IMP4: variants seen among roughly 807,000 people sequenced by gnomAD.
The protein encoded by IMP4 is U3 small nucleolar ribonucleoprotein IMP4.
A neutral mutation model predicts 42.7 loss-of-function variants in IMP4; 30 were observed. The observed-to-expected ratio is 0.70, with a 90% CI of 0.53 to 0.95. The LOEUF (loss-of-function observed/expected upper bound fraction) is 0.95. Ranked by LOEUF, IMP4 falls within the 40% of genes least tolerant of loss-of-function variation. IMP4 has a pLI of 0.00. For synonymous variants in IMP4, 165 were observed against 165.2 expected (o/e 1.00, Z 0.01); for missense variants, 382 against 411.4 (o/e 0.93, Z 0.62).
chr2:130,344,192 G>C (rs759969212), intron 2 of IMP4, among the ~76,000 whole-genome samples: 9 of 152,122 alleles, frequency 5.9e-5, no homozygotes, highest in Non-Finnish European at 5.9e-5. Flanking sequence ...GCCGGGCGCC[G>C]TGGCGGGCTC....
Position 130,346,226 on chromosome 2 carries a change from C to T in IMP4, c.715C>T (p.His239Tyr). ...GCACCATGTGTATAAGAAGACAGAC[C>T]ACCGCAACGTGGAGCTCACTGAGGT... ...FRHHVYKKTD[H>Y]RNVELTEVGP... The change falls in exon 8 of 9, where the codon CAC becomes TAC. Residue 239 changes from histidine to tyrosine, a missense_variant. Coordinates refer to ENST00000259239, the MANE Select transcript of IMP4 (RefSeq NM_033416.3). 6.2e-7 allele frequency: 1 copy of T among 1,614,154 alleles called. No homozygotes were observed. Among genetic ancestry groups the T allele is most frequent in the Non-Finnish European group, 8.5e-7 (1 of 1,180,028 alleles).
intron 2 of IMP4, among the ~76,000 whole-genome samples, chr2:130,344,298 T>C (rs1679335381): frequency 6.6e-6 from 1 of 151,794 alleles, no homozygotes; most frequent in South Asian, 2.1e-4. Context: ...ACTGCACTGC[T>C]CTGCCTGGGT....
chr2:130,343,032 G>C, intron 1 of IMP4, 54 bp from the exon 2 acceptor site: 2 of 1,605,566 alleles, frequency 1.2e-6, no homozygotes, highest in South Asian at 1.1e-5. Flanking sequence ...CGGGGCTCCG[G>C]GGTTCCGGGG....
rs539439713 is a variant in IMP4 at position 130,342,911 on chromosome 2, C to T, written c.-22C>T. ...GAGGAGCCCACAGATTCTCCCGGAC[C>T]CACGTGGAAGCGGCACTCAAGATGG... is the stretch of plus-strand genomic sequence containing the variant. On this transcript the variant is annotated 5_prime_UTR_variant, in exon 1 of 9. Transcript: ENST00000259239. 1.9e-6 allele frequency: 3 copies of T among 1,614,020 alleles called. No individual in the cohort carries two copies. Among genetic ancestry groups the T allele is most frequent in the African/African-American group, 2.7e-5 (2 of 75,056 alleles).
rs939854485 is a variant in IMP4, at chr2:130,344,824, A to G, written c.196+112A>G. 1.6e-5 allele frequency: 12 copies of G among 762,580 alleles called. 1 individual carries two copies. The highest frequency in any genetic ancestry group is 1.3e-4 in the South Asian group (9 of 67,666). The allele number at this position is 762,580 out of a possible 1,614,324, so 47.2% of individuals were successfully genotyped here. ...GAAACTGCTCCTGGAACTGTCCCCC[A>G]TGCCCTTGTCACTGCACAGATGGCA... is the stretch of plus-strand genomic sequence containing the variant. On this transcript the variant is annotated intron_variant, in intron 3 of 8. Transcript: ENST00000259239.
At position 130,345,682 on chromosome 2, in the gene IMP4, A is replaced by C; in HGVS notation, c.422A>C (p.Glu141Ala). The change falls in exon 5 of 9, where the codon GAG (glutamate) becomes GCG (alanine). Residue 141 changes from glutamate to alanine, a missense_variant. Coordinates refer to ENST00000259239, the MANE Select transcript of IMP4 (RefSeq NM_033416.3). This position sits in a 1 kb window ranked among gnomAD's most constrained non-coding sequence, Gnocchi z 4.9. ...NGVTDLLVVH[E>A]HRGTPVGLIV... The stretch of plus-strand genomic sequence containing the variant: ...GTCACCGATCTGCTGGTCGTTCACG[A>C]GCATCGGGGCACACCTGGTAAGGCC... 1.9e-6 allele frequency: 3 copies of C among 1,613,750 alleles called. No homozygotes were observed. The highest frequency in any genetic ancestry group is 2.5e-6 in the Non-Finnish European group (3 of 1,180,000).
chr2:130,345,488 A>G lies in IMP4; in HGVS notation c.306+3A>G. On this transcript the variant is annotated splice_donor_region_variant and intron_variant, in intron 4 of 8. Coordinates refer to ENST00000259239, the MANE Select transcript of IMP4 (RefSeq NM_033416.3). This position sits in a 1 kb window ranked among gnomAD's most constrained non-coding sequence, Gnocchi z 4.9. ...CCCGCCTCAAGATGTTTGCAAAGGT[A>G]CTGGTGAGCAGGGAGTGAGGGAGAG... is the stretch of plus-strand genomic sequence containing the variant. The G allele has an allele frequency of 1.2e-6, 2 of 1,613,982 alleles. No homozygotes were observed. Among genetic ancestry groups the G allele is most frequent in the Non-Finnish European group, 1.7e-6 (2 of 1,179,952 alleles).
In IMP4 at chr2:130,346,616, T is replaced by C. The variant is rs547708704; in HGVS notation, c.*148T>C. The C allele has an allele frequency of 6.9e-5, 47 of 677,398 alleles. No homozygotes were observed. In the South Asian group the frequency reaches 8.0e-4, roughly 12 times the overall value. The allele number at this position is 677,398 out of a possible 1,614,324, so 42.0% of individuals were successfully genotyped here. A position where few individuals can be genotyped will look rare whatever the true frequency, so the allele number is the denominator to read the frequency against. On this transcript the variant is annotated 3_prime_UTR_variant, in exon 9 of 9. Transcript: ENST00000259239. The stretch of plus-strand genomic sequence containing the variant: ...TGGAGAGGTCTGAATAAACCGTCTG[T>C]GTCATGGCCCCGCCTGCCTCTGAGT...
chr2:130,346,587 C>T lies in IMP4; in HGVS notation c.*119C>T, dbSNP rs928067538. 13 of 779,806 alleles carry T rather than the reference C, an allele frequency of 1.7e-5. No individual in the cohort carries two copies. Among genetic ancestry groups the T allele is most frequent in the African/African-American group, 1.5e-4 (9 of 58,640 alleles). The allele number at this position is 779,806 out of a possible 1,614,324, so 48.3% of individuals were successfully genotyped here. A position where few individuals can be genotyped will look rare whatever the true frequency, so the allele number is the denominator to read the frequency against. ...GCTGAACTGGGATGTGGAACTGTGG[C>T]GGGTGGAGAGGTCTGAATAAACCGT... On this transcript the variant is annotated 3_prime_UTR_variant, in exon 9 of 9. Transcript: ENST00000259239.
Position 130,346,700 on chromosome 2 carries a change from G to T in IMP4, c.*232G>T, listed in dbSNP as rs1679604725. The stretch of plus-strand genomic sequence containing the variant: ...GATCCCTTTGGGTGGGGACCTGATG[G>T]CTGTGGGACGTGCTTGGGCCTGGAG... On this transcript the variant is annotated 3_prime_UTR_variant, in exon 9 of 9. Transcript: ENST00000259239. 3.4e-6 allele frequency: 2 copies of T among 585,772 alleles called. No individual in the cohort carries two copies. The highest frequency in any genetic ancestry group is 3.7e-5 in the African/African-American group (2 of 53,572). The allele number at this position is 585,772 out of a possible 1,614,324, so 36.3% of individuals were successfully genotyped here. A position where few individuals can be genotyped will look rare whatever the true frequency, so the allele number is the denominator to read the frequency against.
intron 2 of IMP4, 80 bp downstream of exon 2, chr2:130,343,274 C>T: frequency 9.6e-7 from 1 of 1,044,704 alleles, no homozygotes; most frequent in Non-Finnish European, 1.5e-6. Context: ...AGCGTCTTTC[C>T]AAATGCTTGC....
In IMP4 at chr2:130,345,036, G is replaced by T; in HGVS notation, c.196+324G>T. 1.8e-6 allele frequency: 1 copy of T among 551,238 alleles called. No individual in the cohort carries two copies. Among genetic ancestry groups the T allele is most frequent in the Non-Finnish European group, 3.2e-6 (1 of 308,008 alleles). The allele number at this position is 551,238 out of a possible 1,614,324, so 34.1% of individuals were successfully genotyped here. Reference sequence around the variant, plus strand: ...CTGCATTATTCAAGAAACAAGAAAGGAATCCCAAACATTATAGATATTTGT... The same window carrying T: ...CTGCATTATTCAAGAAACAAGAAAGTAATCCCAAACATTATAGATATTTGT... On this transcript the variant is annotated intron_variant, in intron 3 of 8. Transcript: ENST00000259239. The surrounding 1 kb of genome is among the most constrained non-coding windows in gnomAD (Gnocchi z 4.9).
Position 130,345,948 on chromosome 2 carries a change from C to T in IMP4, c.594+15C>T. Reference sequence around the variant, plus strand: ...TGGGCAAGCGGGTGAGTCTGGGGGCCTTCAGGCTGGGGCTGCGGGCCAGGC... The same window carrying T: ...TGGGCAAGCGGGTGAGTCTGGGGGCTTTCAGGCTGGGGCTGCGGGCCAGGC... On this transcript the variant is annotated intron_variant, in intron 6 of 8. Transcript: ENST00000259239. This position sits in a 1 kb window ranked among gnomAD's most constrained non-coding sequence, Gnocchi z 4.9. 3 of 1,614,224 alleles carry T rather than the reference C, an allele frequency of 1.9e-6. No individual in the cohort carries two copies. The highest frequency in any genetic ancestry group is 1.1e-5 in the South Asian group (1 of 91,082).
chr2:130,345,276 A>C lies in IMP4; in HGVS notation c.197-100A>C, dbSNP rs115373307. On this transcript the variant is annotated intron_variant, in intron 3 of 8. Coordinates refer to ENST00000259239, the MANE Select transcript of IMP4 (RefSeq NM_033416.3). This position sits in a 1 kb window ranked among gnomAD's most constrained non-coding sequence, Gnocchi z 4.9. The stretch of plus-strand genomic sequence containing the variant: ...GCATGTGGAGCATTCCTATTGTTGA[A>C]GGCTTCGGCAGACAGCGACATCCAG... 3.0e-3 allele frequency: 2,535 copies of C among 858,522 alleles called. 30 individuals are homozygous for C. Among genetic ancestry groups the C allele is most frequent in the African/African-American group, 0.02 (1,218 of 60,074 alleles). The allele number at this position is 858,522 out of a possible 1,614,324, so 53.2% of individuals were successfully genotyped here.
At position 130,346,398 on chromosome 2, in the gene IMP4, C is replaced by A; in HGVS notation, c.806C>A (p.Ala269Glu). ...GGCACGCTGGAGCAGGAGGCCACAG[C>A]AGACGTGGAGTGGCGCTGGCACCCT... The part of the protein sequence containing the change: ...RLGTLEQEAT[A>E]DVEWRWHPYT... Residue 269 changes from alanine (A) to glutamate (E), a missense_variant, in exon 9 of 9, where the codon GCA (alanine) becomes GAA (glutamate). By Grantham distance (107) the Ala-to-Glu change is moderately radical. Transcript: ENST00000259239. 1.9e-6 allele frequency: 3 copies of A among 1,579,166 alleles called. No homozygotes were observed. The highest frequency in any genetic ancestry group is 2.6e-6 in the Non-Finnish European group (3 of 1,162,348).
chr2:130,345,587 G>A lies in IMP4; in HGVS notation c.327G>A (p.Pro109=). ...CCCAGGAGCTGAAGCTGGTGTTCCC[G>A]GGCGCCCAGCGAATGAACCGAGGTC... ...MFAKELKLVF[P]GAQRMNRGRH... Residue 109 remains proline, a synonymous_variant, in exon 5 of 9, where the codon CCG becomes CCA. Coordinates refer to ENST00000259239, the MANE Select transcript of IMP4 (RefSeq NM_033416.3). This position sits in a 1 kb window ranked among gnomAD's most constrained non-coding sequence, Gnocchi z 4.9. The A allele has an allele frequency of 1.9e-6, 3 of 1,614,170 alleles. No homozygotes were observed. Among genetic ancestry groups the A allele is most frequent in the South Asian group, 1.1e-5 (1 of 91,080 alleles).
In IMP4 at chr2:130,345,143, G is replaced by C. The variant is rs925212391; in HGVS notation, c.197-233G>C. 1 of 586,688 alleles carries C rather than the reference G, an allele frequency of 1.7e-6. No homozygotes were observed. The highest frequency in any genetic ancestry group is 3.0e-6 in the Non-Finnish European group (1 of 328,522). 36.3% of individuals were successfully genotyped at this position (586,688 alleles called of 1,614,324 possible). A position where few individuals can be genotyped will look rare whatever the true frequency, so the allele number is the denominator to read the frequency against. On this transcript the variant is annotated intron_variant, in intron 3 of 8. Transcript: ENST00000259239. This position sits in a 1 kb window ranked among gnomAD's most constrained non-coding sequence, Gnocchi z 4.9. ...TAATGGAGTAGCTGCTTAGCCCCAT[G>C]TGACTAATATAGCTTAAGCAAACTA...
At chr2:130,343,682 T>C (rs113027079) in intron 2 of IMP4, among the ~76,000 whole-genome samples, 4,435 of 147,234 alleles carry the variant, frequency 0.03, 89 homozygotes, top group South Asian at 0.054. Flanking sequence ...GAGGTTGCAG[T>C]GAGCCGAGAT....
rs1679432626 is a variant in IMP4, at chr2:130,345,254, T to C, written c.197-122T>C. 1.2e-5 allele frequency: 9 copies of C among 722,974 alleles called. No individual in the cohort carries two copies. The highest frequency in any genetic ancestry group is 4.2e-5 in the Admixed American group (2 of 47,722). 44.8% of individuals were successfully genotyped at this position (722,974 alleles called of 1,614,324 possible). ...AGGCTGCCCTCTTGCCCGGTGTGCA[T>C]GTGGAGCATTCCTATTGTTGAAGGC... On this transcript the variant is annotated intron_variant, in intron 3 of 8. Transcript: ENST00000259239. This position sits in a 1 kb window ranked among gnomAD's most constrained non-coding sequence, Gnocchi z 4.9.
Sources: allele counts gnomAD v4.1 joint callset (sites outside exome capture counted in the v4.1 genomes callset), GRCh38; gene constraint gnomAD v4.1.1; non-coding constraint Gnocchi (gnomAD v3.1); transcripts MANE v1.5; gene names NCBI Gene and HGNC (gene_info 2026-07-23, HGNC 2026-07-21).